Variants in VPS54 observed in about 807,000 individuals in gnomAD.
The protein encoded by VPS54 is vacuolar protein sorting-associated protein 54.
VPS54 carries 45 observed loss-of-function variants against 121.5 expected under a neutral mutation model. That is an observed-to-expected ratio of 0.37 (90% CI 0.29 to 0.47). The LOEUF (loss-of-function observed/expected upper bound fraction) is 0.47, where lower values mean the gene tolerates loss of function less well. Among genes scored for constraint, VPS54 ranks in the 20% least tolerant of loss-of-function variants. The pLI, the probability that VPS54 is intolerant of heterozygous loss-of-function variation, is 0.99. For missense variants in VPS54, 1,090 were observed against 1,131.4 expected (o/e 0.96, Z 0.52); for synonymous variants, 371 against 385.8 (o/e 0.96, Z 0.45).
intron 6 of VPS54, among the ~76,000 whole-genome samples, chr2:63,965,065 T>C (rs6728496): frequency 0.022 from 3,318 of 152,248 alleles, 115 homozygotes; most frequent in African/African-American, 0.076. Flanking sequence ...ACAAAAACAA[T>C]AGGAATATTG....
rs1456332803 is a variant in VPS54, at chr2:63,916,925, C to T, written c.2203G>A (p.Glu735Lys). The T allele has an allele frequency of 7.4e-6, 12 of 1,613,474 alleles. No individual in the cohort carries two copies. In the Admixed American group the frequency reaches 1.2e-4, roughly 16 times the overall value. The change falls in exon 16 of 23, where the codon GAG becomes AAG. Residue 735 changes from glutamate (E) to lysine (K), a missense_variant. Glu to Lys is a moderately conservative substitution (Grantham distance 56). Transcript: ENST00000272322. Reference sequence around the variant, plus strand: ...CCAACAACTGCATACTGTTGTCCCTCGACAATAAGAACTTCAGCTGGTTTC... The same window carrying T: ...CCAACAACTGCATACTGTTGTCCCTTGACAATAAGAACTTCAGCTGGTTTC... Reference protein sequence around the residue: ...ERKPAEVLIVEGQQYAVVGTV... With the variant: ...ERKPAEVLIVKGQQYAVVGTV...
intron 1 of VPS54, among the ~76,000 whole-genome samples, chr2:63,988,549 AT>A (rs1385155958): frequency 6.6e-6 from 1 of 152,210 alleles, no homozygotes; most frequent in Non-Finnish European, 1.5e-5. Flanking sequence ...CTCCAAATTA[AT>A]ACTTTTATAA....
chr2:63,902,456 A>C (rs1425514756), intron 20 of VPS54, among the ~76,000 whole-genome samples: 1 of 152,252 alleles, frequency 6.6e-6, no homozygotes, highest in African/African-American at 2.4e-5. Context: ...AACCATAACA[A>C]ACATAGCCTG....
At chr2:63,927,369 A>G (rs1279847942) in intron 12 of VPS54, among the ~76,000 whole-genome samples, 1 of 152,224 alleles carries the variant, frequency 6.6e-6, no homozygotes, top group Admixed American at 6.5e-5. Context: ...CCAGACAAAC[A>G]GGGTCTGGAG....
At position 63,959,695 on chromosome 2, in the gene VPS54, T is replaced by A. The variant is rs966978356; in HGVS notation, c.1010+2363A>T. On this transcript the variant is annotated intron_variant, in intron 7 of 22. Transcript: ENST00000272322. ...TGAGCTCAGGAGTTCGAGACCAGCCTGGGTAACACGGCAAGACTCCGTTTC... is the reference window on the plus strand; with the variant it reads ...TGAGCTCAGGAGTTCGAGACCAGCCAGGGTAACACGGCAAGACTCCGTTTC... 1.8e-4 allele frequency among the ~76,000 whole-genome samples: 28 copies of A among 152,196 alleles called. 1 individual carries two copies. The highest frequency in any genetic ancestry group is 1.6e-3 in the Admixed American group (25 of 15,286).
intron 1 of VPS54, among the ~76,000 whole-genome samples, chr2:64,003,151 C>T (rs572001354): frequency 1.3e-5 from 2 of 152,136 alleles, no homozygotes; most frequent in South Asian, 4.1e-4. Context: ...AGTTTGTCTA[C>T]TCAGAAAAAA....
intron 7 of VPS54, among the ~76,000 whole-genome samples, chr2:63,958,118 T>C (rs1675586089): frequency 6.6e-6 from 1 of 152,208 alleles, no homozygotes; most frequent in Admixed American, 6.5e-5. Flanking sequence ...TATTAAGATG[T>C]GTACAACATA....
Position 63,962,255 on chromosome 2 carries a change from G to A in VPS54, c.813C>T (p.Leu271=), listed in dbSNP as rs1452584594. 3 of 1,613,996 alleles carry A rather than the reference G, an allele frequency of 1.9e-6. No homozygotes were observed. The highest frequency in any genetic ancestry group is 1.7e-6 in the Non-Finnish European group (2 of 1,179,894). ...QIDKVMCEGS[L]HILRLALTRN... ...TGGTAAGTGCCAGTCTTAAAATGTG[G>A]AGTGATCCTTCACACATTACTTTAT... is the stretch of plus-strand genomic sequence containing the variant. The change falls in exon 7 of 23, where the codon CTC becomes CTT. Residue 271 remains leucine, a synonymous_variant. Transcript: ENST00000272322.
chr2:63,995,889 C>T (rs1559047739), intron 1 of VPS54, among the ~76,000 whole-genome samples: 1 of 152,322 alleles, frequency 6.6e-6, no homozygotes, highest in East Asian at 1.9e-4. Flanking sequence ...GTCTCTCAAG[C>T]TCATTTATCC....
chr2:63,944,634 G>C lies in VPS54; in HGVS notation c.1267C>G (p.Gln423Glu). Residue 423 changes from glutamine (Q) to glutamate (E), a missense_variant, in exon 10 of 23, where the codon CAA (glutamine) becomes GAA (glutamate). By Grantham distance (29) the Gln-to-Glu change is conservative (BLOSUM62 2). This residue lies in a region of VPS54 where 801 missense variants were observed against 757.0 expected (regional missense o/e 1.06). Coordinates refer to ENST00000272322, the MANE Select transcript of VPS54 (RefSeq NM_016516.3). ...ACATCTGTGTCTATTTCTTCTGTTT[G>C]TGAAACTTTATTAATCACACACTGC... ...IKQCVINKVS[Q>E]TEEIDTDVVV... 1.9e-6 allele frequency: 3 copies of C among 1,608,036 alleles called. No individual in the cohort carries two copies. The highest frequency in any genetic ancestry group is 2.5e-6 in the Non-Finnish European group (3 of 1,177,646).
chr2:63,997,438 G>A (rs1047214992), intron 1 of VPS54, among the ~76,000 whole-genome samples: 9 of 152,242 alleles, frequency 5.9e-5, no homozygotes, highest in Admixed American at 2.0e-4. Flanking sequence ...AAGATTGTAC[G>A]TATATAGGAA....
chr2:63,911,226 G>C (rs915436150), intron 20 of VPS54, among the ~76,000 whole-genome samples: 3 of 152,114 alleles, frequency 2.0e-5, no homozygotes, highest in African/African-American at 7.2e-5. Flanking sequence ...CTTGGCACCA[G>C]TGAAGAAAAT....
intron 20 of VPS54, among the ~76,000 whole-genome samples, chr2:63,904,849 G>C (rs971479340): frequency 2.6e-5 from 4 of 152,176 alleles, no homozygotes; most frequent in Admixed American, 1.3e-4. Flanking sequence ...GTCACATAAA[G>C]TCTGTTTGCT....
intron 11 of VPS54, 34 bp downstream of exon 11, chr2:63,942,431 G>T: frequency 7.0e-7 from 1 of 1,424,380 alleles, no homozygotes; most frequent in South Asian, 1.4e-5. Flanking sequence ...CTTAATTTTA[G>T]GGATATTCTA....
At chr2:63,910,333 T>C (rs1299197376) in intron 20 of VPS54, among the ~76,000 whole-genome samples, 1 of 152,190 alleles carries the variant, frequency 6.6e-6, no homozygotes, top group East Asian at 1.9e-4. Context: ...CTGGCCATAT[T>C]CTTCAACGGG....
chr2:63,960,130 T>C (rs940326317), intron 7 of VPS54, among the ~76,000 whole-genome samples: 1 of 142,194 alleles, frequency 7.0e-6, no homozygotes, highest in African/African-American at 2.7e-5. Flanking sequence ...TGGTGGTGGG[T>C]GGGGAGTTAA....
At chr2:63,903,827 AAAG>A (rs1355866545) in intron 20 of VPS54, among the ~76,000 whole-genome samples, 3 of 152,130 alleles carry the variant, frequency 2.0e-5, no homozygotes, top group Non-Finnish European at 2.9e-5. Flanking sequence ...TAATCTGAAA[AAAG>A]GGGAAAATCA....
intron 20 of VPS54, 124 bp from the exon 21 acceptor site, chr2:63,899,705 T>C: frequency 1.3e-6 from 1 of 742,094 alleles, no homozygotes; most frequent in East Asian, 2.6e-5. Flanking sequence ...TACTTAAGCT[T>C]ACACTTTTCA....
intron 1 of VPS54, among the ~76,000 whole-genome samples, chr2:64,003,208 G>C (rs913225451): frequency 6.6e-6 from 1 of 152,014 alleles, no homozygotes; most frequent in African/African-American, 2.4e-5. Context: ...ACAAAATACA[G>C]GAAAACGGAA....
Sources: gnomAD v4.1 joint callset for allele counts (sites outside exome capture counted in the v4.1 genomes callset) on GRCh38, gnomAD v4.1.1 for gene constraint, gnomAD v4.1.1 regional missense constraint, MANE v1.5 for transcripts, NCBI Gene and HGNC (gene_info 2026-07-23, HGNC 2026-07-21) for gene names.